Variants in MYO5B observed in about 807,000 individuals in gnomAD.
MYO5B encodes the protein myosin VB, also known as unconventional myosin-Vb.
A neutral mutation model predicts 229.3 loss-of-function variants in MYO5B; 143 were observed. The ratio of observed to expected loss-of-function variants is 0.62; its 90% CI spans 0.54 to 0.72. MYO5B has a LOEUF of 0.72. MYO5B is among the 30% of genes least tolerant of loss of function. The pLI is 0.00. For missense variants in MYO5B, 2,321 were observed against 2,331.0 expected, an observed-to-expected ratio of 1.00 and a Z score of 0.09; for synonymous variants, 918 against 885.2, an observed-to-expected ratio of 1.04 and a Z score of -0.66.
At chr18:50,111,409 T>A (rs954597321) in intron 1 of MYO5B, among the ~76,000 whole-genome samples, 1 of 152,206 alleles carries the variant, frequency 6.6e-6, no homozygotes, top group Non-Finnish European at 1.5e-5. Flanking sequence ...TACACACCCA[T>A]GTCAAGATTA....
intron 1 of MYO5B, among the ~76,000 whole-genome samples, chr18:50,078,901 T>C (rs1451803034): frequency 6.6e-6 from 1 of 152,222 alleles, no homozygotes; most frequent in Admixed American, 6.5e-5. Context: ...AGCAGCATAC[T>C]ATACAGCAAT....
chr18:49,919,311 G>T (rs1048060783), intron 17 of MYO5B, among the ~76,000 whole-genome samples: 2 of 151,728 alleles, frequency 1.3e-5, no homozygotes, highest in East Asian at 3.9e-4. Context: ...CACAACCAAA[G>T]AAATAAACAG....
At chr18:50,120,554 G>C (rs907234) in intron 1 of MYO5B, among the ~76,000 whole-genome samples, 93,637 of 152,008 alleles carry the variant, frequency 0.62, 28,999 homozygotes, top group Admixed American at 0.69. Context: ...ACCGTCCTCA[G>C]CCCTCTTCCC....
intron 39 of MYO5B, among the ~76,000 whole-genome samples, chr18:49,831,783 A>T (rs147616534): frequency 6.6e-6 from 1 of 152,324 alleles, no homozygotes; most frequent in Non-Finnish European, 1.5e-5. Flanking sequence ...TGAAAAATTG[A>T]TCTCAGCTCC....
chr18:50,083,160 G>A, intron 1 of MYO5B, among the ~76,000 whole-genome samples: 1 of 152,190 alleles, frequency 6.6e-6, no homozygotes, highest in East Asian at 1.9e-4. Context: ...AAATAGAAGA[G>A]GTGCATCAGG....
intron 1 of MYO5B, among the ~76,000 whole-genome samples, chr18:50,180,115 T>TC (rs1274697586): frequency 2.0e-5 from 3 of 152,120 alleles, no homozygotes; most frequent in Non-Finnish European, 4.4e-5. Flanking sequence ...ACCTCGAGGT[T>TC]CCCCATCAAT....
chr18:50,178,893 C>T (rs1451813482), intron 1 of MYO5B, among the ~76,000 whole-genome samples: 1 of 152,070 alleles, frequency 6.6e-6, no homozygotes, highest in Non-Finnish European at 1.5e-5. Flanking sequence ...GGGATGTTAA[C>T]ACAGTGGGCC....
chr18:50,104,290 A>ATATATATATATATATATATATATC (rs1555659367), intron 1 of MYO5B, among the ~76,000 whole-genome samples: 1 of 145,154 alleles, frequency 6.9e-6, no homozygotes, highest in African/African-American at 2.5e-5. Context: ...ATATATATAT[A>ATATATATATATATATATATATATC]TCTCATAAAT....
intron 22 of MYO5B, among the ~76,000 whole-genome samples, chr18:49,893,338 T>C (rs2024737978): frequency 6.6e-6 from 1 of 152,250 alleles, no homozygotes; most frequent in African/African-American, 2.4e-5. Flanking sequence ...AGTTCTATTC[T>C]TGATCCTTTC....
chr18:49,871,208 C>T (rs4939900), intron 27 of MYO5B, among the ~76,000 whole-genome samples: 36,368 of 151,920 alleles, frequency 0.24, 4,435 homozygotes, highest in East Asian at 0.41. Flanking sequence ...ATTCTACTTA[C>T]ATGAGGAACC....
At chr18:50,070,075 G>A (rs1386624873) in intron 1 of MYO5B, among the ~76,000 whole-genome samples, 1 of 143,694 alleles carries the variant, frequency 7.0e-6, no homozygotes, top group Non-Finnish European at 1.5e-5. Flanking sequence ...AGGCTGGAGT[G>A]CAGGGGCGTG....
At chr18:49,884,957 G>A (rs1013640963) in intron 22 of MYO5B, among the ~76,000 whole-genome samples, 3 of 152,184 alleles carry the variant, frequency 2.0e-5, no homozygotes, top group Non-Finnish European at 2.9e-5. Flanking sequence ...TCACCAGGAT[G>A]GCTATAATAC....
intron 34 of MYO5B, among the ~76,000 whole-genome samples, chr18:49,842,590 A>G (rs1001512773): frequency 1.3e-5 from 2 of 152,196 alleles, no homozygotes; most frequent in Non-Finnish European, 2.9e-5. Flanking sequence ...TCCCTCAAGA[A>G]TCTCACCTCC....
At chr18:50,192,779 T>C (rs1456800215) in intron 1 of MYO5B, among the ~76,000 whole-genome samples, 4 of 152,218 alleles carry the variant, frequency 2.6e-5, no homozygotes, top group Admixed American at 6.5e-5. Context: ...AGAGACTGCA[T>C]TGACATGGTT....
intron 4 of MYO5B, among the ~76,000 whole-genome samples, chr18:50,005,607 G>A (rs767140886): frequency 8.5e-5 from 13 of 152,188 alleles, no homozygotes; most frequent in South Asian, 2.1e-4. Context: ...TGTAGAGATG[G>A]GGTTTTGCCT....
In MYO5B at chr18:50,080,589, G is replaced by A. The variant is rs190954238; in HGVS notation, c.28-25211C>T. Among the ~76,000 whole-genome samples the A allele has an allele frequency of 3.9e-5, 6 of 152,298 alleles. No homozygotes were observed. In the East Asian group the frequency reaches 1.2e-3, roughly 29 times the overall value. ...ACTTGTAGGCCATCCACAGTCACCAGAAGCCTCCTCAAGTATTAGCTGTTT... is the reference window on the plus strand; with the variant it reads ...ACTTGTAGGCCATCCACAGTCACCAAAAGCCTCCTCAAGTATTAGCTGTTT... On this transcript the variant is annotated intron_variant, in intron 1 of 39. Transcript: ENST00000285039.
At chr18:50,138,523 A>T (rs1038329528) in intron 1 of MYO5B, among the ~76,000 whole-genome samples, 26 of 152,192 alleles carry the variant, frequency 1.7e-4, no homozygotes, top group African/African-American at 6.0e-4. Flanking sequence ...GCACCAGAAC[A>T]GTGTTAAATT....
intron 1 of MYO5B, among the ~76,000 whole-genome samples, chr18:50,153,840 C>A (rs774465738): frequency 6.6e-5 from 10 of 152,102 alleles, no homozygotes; most frequent in Non-Finnish European, 1.5e-4. Flanking sequence ...TGAGTGACGA[C>A]ACCAGTGAGT....
At chr18:50,132,390 A>T (rs1316901349) in intron 1 of MYO5B, among the ~76,000 whole-genome samples, 3 of 152,182 alleles carry the variant, frequency 2.0e-5, no homozygotes, top group African/African-American at 7.2e-5. Context: ...GGTAGTAGAG[A>T]CTTGTGTCCT....
Sources: gnomAD v4.1 joint callset for allele counts (sites outside exome capture counted in the v4.1 genomes callset) on GRCh38, gnomAD v4.1.1 for gene constraint, MANE v1.5 for transcripts, NCBI Gene and HGNC (gene_info 2026-07-23, HGNC 2026-07-21) for gene names.